The following LAMP3 variants were observed in gnomAD, a reference collection of about 807,000 sequenced individuals.
The protein encoded by LAMP3 is lysosome associated membrane protein 3.
LAMP3 carries 26 observed loss-of-function variants against 34.8 expected under a neutral mutation model. That is an observed-to-expected ratio of 0.75 (90% CI 0.55 to 1.04). The LOEUF is 1.04. LAMP3 is among the 50% of genes least tolerant of loss of function. The probability of loss-of-function intolerance (pLI) is 0.00; values close to 1 mark genes in which losing one functional copy is unlikely to be tolerated. For missense variants in LAMP3, 495 were observed against 524.0 expected (o/e 0.94, Z 0.54); for synonymous variants, 180 against 201.9 (o/e 0.89, Z 0.92).
At chr3:183,129,180 C>A (rs1375102352) in intron 5 of LAMP3, among the ~76,000 whole-genome samples, 1 of 152,172 alleles carries the variant, frequency 6.6e-6, no homozygotes, top group African/African-American at 2.4e-5. Context: ...TTAACTTTCC[C>A]TTTTTATAGC....
At chr3:183,136,863 C>T (rs1345243858) in intron 4 of LAMP3, among the ~76,000 whole-genome samples, 3 of 151,932 alleles carry the variant, frequency 2.0e-5, no homozygotes, top group Non-Finnish European at 4.4e-5. Context: ...ATCATTGAGG[C>T]CAGGCATGGT....
At chr3:183,140,898 C>T (rs1054940106) in intron 3 of LAMP3, among the ~76,000 whole-genome samples, 1 of 152,152 alleles carries the variant, frequency 6.6e-6, no homozygotes, top group African/African-American at 2.4e-5. Context: ...AAATTTCTCC[C>T]TGTTAAAATG....
At chr3:183,143,917 G>C (rs533838209) in intron 3 of LAMP3, among the ~76,000 whole-genome samples, 1 of 152,016 alleles carries the variant, frequency 6.6e-6, no homozygotes, top group Non-Finnish European at 1.5e-5. Flanking sequence ...CAAAACTGTG[G>C]GTCCACCAAC....
intron 3 of LAMP3, among the ~76,000 whole-genome samples, chr3:183,144,623 A>G (rs1415218413): frequency 6.6e-6 from 1 of 152,198 alleles, no homozygotes; most frequent in Non-Finnish European, 1.5e-5. Context: ...TGAGGGTGTC[A>G]ACACTTGAAC....
chr3:183,132,222 G>A, intron 5 of LAMP3: 1 of 984,468 alleles, frequency 1.0e-6, no homozygotes, highest in Non-Finnish European at 1.2e-6. Flanking sequence ...AATTAAAAAA[G>A]TGAAATAGGC....
At position 183,154,225 on chromosome 3, in the gene LAMP3, A is replaced by G. The variant is rs759272220; in HGVS notation, c.216T>C (p.His72=). ...QTLAARFMDG[H]ITFQTAATVK... is the part of the protein sequence containing the mutation. ...CTGTGGCCGCTGTTTGAAAGGTGAT[A>G]TGACCATCCATGAATCTTGCTGCTA... Residue 72 remains histidine (H), a synonymous_variant, in exon 2 of 6, where the codon CAT becomes CAC. Transcript: ENST00000265598. The G allele has an allele frequency of 1.3e-4, 210 of 1,613,974 alleles. 2 individuals carry two copies. In the Middle Eastern group the frequency reaches 1.8e-3, roughly 14 times the overall value.
At chr3:183,142,822 A>G (rs1720326240) in intron 3 of LAMP3, among the ~76,000 whole-genome samples, 1 of 152,176 alleles carries the variant, frequency 6.6e-6, no homozygotes, top group South Asian at 2.1e-4. Flanking sequence ...TTCAAAAATC[A>G]AGAATTTCAT....
rs148900170 is a variant in LAMP3 at position 183,126,326 on chromosome 3, T to C, written c.1118-2112A>G. On this transcript the variant is annotated intron_variant, in intron 5 of 5. Transcript: ENST00000265598. ...TGCTTGTGGGTCCAGTGTGAAAAGA[T>C]ACACCAAAAACTGGCAGGAGGACTG... Among the ~76,000 whole-genome samples, 384 of 152,216 alleles carry C rather than the reference T, an allele frequency of 2.5e-3. 9 individuals carry two copies. In the East Asian group the frequency reaches 0.062, roughly 24 times the overall value.
At chr3:183,134,250 G>T (rs1479540378) in intron 5 of LAMP3, among the ~76,000 whole-genome samples, 1 of 152,160 alleles carries the variant, frequency 6.6e-6, no homozygotes, top group Non-Finnish European at 1.5e-5. Context: ...GAGGGTGCTG[G>T]AGGGAGAGGA....
rs780852604 is a variant in LAMP3 at position 183,153,731 on chromosome 3, C to G, written c.710G>C (p.Cys237Ser). The part of the protein sequence containing the change: ...IYQVLNGSRL[C>S]IKAEMGIQLI... ...CTGTATCCCCATCTCTGCTTTTATA[C>G]AGAGTCTGCTTCCGTTTAGAACCTG... Residue 237 changes from cysteine to serine, a missense_variant, in exon 2 of 6, where the codon TGT becomes TCT. By Grantham distance (112) the Cys-to-Ser change is moderately radical (BLOSUM62 -1). Transcript: ENST00000265598. The G allele has an allele frequency of 2.6e-6, 4 of 1,534,778 alleles. No individual in the cohort carries two copies. Among genetic ancestry groups the G allele is most frequent in the Non-Finnish European group, 2.6e-6 (3 of 1,143,292 alleles).
In LAMP3 at chr3:183,124,206, A is replaced by C; in HGVS notation, c.1126T>G (p.Cys376Gly). The change falls in exon 6 of 6, where the codon TGC becomes GGC. Residue 376 changes from cysteine to glycine, a missense_variant. By Grantham distance (159) the Cys-to-Gly change is radical. Coordinates refer to ENST00000265598, the MANE Select transcript of LAMP3 (RefSeq NM_014398.4). ...AGCACAATTGTGTAGTCAGACGAGC[A>C]CTCATCCACTAAGAGAGAAAACAAA... ...EDDHFGNVDECSSDYTIVLPV... is the reference protein window; with the variant it reads ...EDDHFGNVDEGSSDYTIVLPV... 1 of 1,584,840 alleles carries C rather than the reference A, an allele frequency of 6.3e-7. No individual in the cohort carries two copies. Among genetic ancestry groups the C allele is most frequent in the Non-Finnish European group, 8.6e-7 (1 of 1,169,308 alleles).
intron 5 of LAMP3, chr3:183,132,486 C>G (rs1375442982): frequency 1.0e-6 from 1 of 984,546 alleles, no homozygotes; most frequent in Non-Finnish European, 1.2e-6. Context: ...CCCCACAATT[C>G]TCCCTCCGGG....
intron 5 of LAMP3, among the ~76,000 whole-genome samples, chr3:183,126,563 T>TGTGTGTGTGC (rs1289493902): frequency 3.9e-4 from 58 of 149,160 alleles, no homozygotes; most frequent in African/African-American, 1.4e-3. Flanking sequence ...TGTGTGTGTG[T>TGTGTGTGTGC]GCACACGTGT....
rs769421778 is a variant in LAMP3 at position 183,154,372 on chromosome 3, A to G, written c.69T>C (p.Ser23=). The change falls in exon 2 of 6, where the codon AGT becomes AGC. Residue 23 remains serine, a synonymous_variant. Transcript: ENST00000265598. ...ASLAVILHDG[S]QMRAKAFPET... Reference sequence around the variant, plus strand: ...CTGGAAATGCTTTTGCTCTCATTTGACTGCCATCGTGCAAAATTACTGAAA... The same window carrying G: ...CTGGAAATGCTTTTGCTCTCATTTGGCTGCCATCGTGCAAAATTACTGAAA... 6.3e-7 allele frequency: 1 copy of G among 1,599,028 alleles called. No homozygotes were observed. The highest frequency in any genetic ancestry group is 1.1e-5 in the South Asian group (1 of 88,076).
chr3:183,153,906 T>G lies in LAMP3; in HGVS notation c.535A>C (p.Ser179Arg). 6.2e-7 allele frequency: 1 copy of G among 1,614,170 alleles called. No homozygotes were observed. Among genetic ancestry groups the G allele is most frequent in the Non-Finnish European group, 8.5e-7 (1 of 1,180,028 alleles). ...TGAACAGGCTTCTGACCGGTTGTGCTTTTGTGCAGTGCTATCGATAAAGTT... is the reference window on the plus strand; with the variant it reads ...TGAACAGGCTTCTGACCGGTTGTGCGTTTGTGCAGTGCTATCGATAAAGTT... ...PATLSIALHK[S>R]TTGQKPVQPT... Residue 179 changes from serine to arginine, a missense_variant, in exon 2 of 6, where the codon AGC (serine) becomes CGC (arginine). Physicochemically the swap from Ser to Arg is moderately radical, Grantham distance 110. Transcript: ENST00000265598.
At chr3:183,161,420 TCTCA>T (rs767602002) in intron 1 of LAMP3, among the ~76,000 whole-genome samples, 3 of 152,000 alleles carry the variant, frequency 2.0e-5, no homozygotes, top group Non-Finnish European at 2.9e-5. Flanking sequence ...TGAGACAGAG[TCTCA>T]CTGTTACCTA....
At position 183,136,024 on chromosome 3, in the gene LAMP3, C is replaced by T. The variant is rs563868725; in HGVS notation, c.947-137G>A. 4.9e-5 allele frequency: 35 copies of T among 715,890 alleles called. No homozygotes were observed. In the East Asian group the frequency reaches 7.7e-4, roughly 16 times the overall value. 44.3% of individuals were successfully genotyped at this position (715,890 alleles called of 1,614,324 possible). A position where few individuals can be genotyped will look rare whatever the true frequency, so the allele number is the denominator to read the frequency against. ...TTTCTGGGGGTTCTGCCACCTTCTC[C>T]CCATGAAAAAACACCCTGGTGCGGT... On this transcript the variant is annotated intron_variant, in intron 4 of 5. Coordinates refer to ENST00000265598, the MANE Select transcript of LAMP3 (RefSeq NM_014398.4).
In LAMP3 at chr3:183,152,370, C is replaced by A; in HGVS notation, c.888+5G>T. 2 of 1,605,634 alleles carry A rather than the reference C, an allele frequency of 1.2e-6. No individual in the cohort carries two copies. The highest frequency in any genetic ancestry group is 2.2e-5 in the East Asian group (1 of 44,458). On this transcript the variant is annotated splice_donor_5th_base_variant and intron_variant, in intron 3 of 5. Transcript: ENST00000265598. ...GCAGTTTGTGCAAAGGAGCTCAGGCCTCACCTTGGTAAATGTGAGATTCAC... is the reference window on the plus strand; with the variant it reads ...GCAGTTTGTGCAAAGGAGCTCAGGCATCACCTTGGTAAATGTGAGATTCAC...
Position 183,153,745 on chromosome 3 carries a change from G to A in LAMP3, c.696C>T (p.Asn232=), listed in dbSNP as rs140803277. The A allele has an allele frequency of 1.5e-4, 239 of 1,550,994 alleles. 2 individuals are homozygous for A. The South Asian group carries it at 2.1e-3, about 13-fold the overall frequency. ...CTGCTTTTATACAGAGTCTGCTTCC[G>A]TTTAGAACCTGATAAATTCCAGTCT... ...SVKTGIYQVL[N]GSRLCIKAEM... Residue 232 remains asparagine, a synonymous_variant, in exon 2 of 6, where the codon AAC becomes AAT. Coordinates refer to ENST00000265598, the MANE Select transcript of LAMP3 (RefSeq NM_014398.4).
Sources: gnomAD v4.1 joint callset for allele counts (sites outside exome capture counted in the v4.1 genomes callset) on GRCh38, gnomAD v4.1.1 for gene constraint, MANE v1.5 for transcripts, NCBI Gene and HGNC (gene_info 2026-07-23, HGNC 2026-07-21) for gene names.